The following TMEM63B variants were observed in gnomAD, a reference collection of about 807,000 sequenced individuals.
The protein encoded by TMEM63B is mechanosensitive cation channel TMEM63B.
A neutral mutation model predicts 102.6 loss-of-function variants in TMEM63B; 23 were observed. That is an observed-to-expected ratio of 0.22 (90% CI 0.16 to 0.32). TMEM63B has a LOEUF of 0.32. TMEM63B is among the 10% of genes least tolerant of loss of function. TMEM63B has a pLI of 1.00. For synonymous variants in TMEM63B, 444 were observed against 437.0 expected (o/e 1.02, Z -0.20); for missense variants, 628 against 1,095.9 (o/e 0.57, Z 6.03).
intron 1 of TMEM63B, among the ~76,000 whole-genome samples, chr6:44,128,763 GT>G (rs1482603061): frequency 1.3e-5 from 2 of 152,228 alleles, no homozygotes; most frequent in Admixed American, 1.3e-4. Context: ...GAGGTGGGGA[GT>G]GGGAGTGTCA....
At chr6:44,132,171 A>G in intron 1 of TMEM63B, 5 of 826,452 alleles carry the variant, frequency 6.0e-6, no homozygotes, top group Non-Finnish European at 7.3e-6. Flanking sequence ...CCTCCCTGTA[A>G]AATGGGGATA....
Position 44,148,386 on chromosome 6 carries a change from G to A in TMEM63B, c.1121+1G>A. On this transcript the variant is annotated splice_donor_variant, in intron 13 of 23. Transcript: ENST00000323267. LOFTEE classifies it high-confidence loss of function. This position sits in a 1 kb window ranked among gnomAD's most constrained non-coding sequence, Gnocchi z 5.1. ...TCCACAATGAGACTATCACCGCCAT[G>A]TGAGTCCCCAACTCGGCCCTCGGCC... 1 of 1,614,250 alleles carries A rather than the reference G, an allele frequency of 6.2e-7. No homozygotes were observed. Among genetic ancestry groups the A allele is most frequent in the Non-Finnish European group, 8.5e-7 (1 of 1,180,040 alleles).
rs190666305 is a variant in TMEM63B, at chr6:44,136,455, C to G, written c.369+16C>G. The stretch of plus-strand genomic sequence containing the variant: ...AAGGGACAATGTGAGTGCCCTCCCC[C>G]CAAACTTCTTAGTCCCCCACCCCAC... On this transcript the variant is annotated intron_variant, in intron 5 of 23. Coordinates refer to ENST00000323267, the MANE Select transcript of TMEM63B (RefSeq NM_018426.3). The G allele has an allele frequency of 1.7e-5, 27 of 1,602,904 alleles. No individual in the cohort carries two copies. Among genetic ancestry groups the G allele is most frequent in the Admixed American group, 8.4e-5 (5 of 59,748 alleles).
In TMEM63B at chr6:44,127,560, T is replaced by A. The variant is rs1469251355; in HGVS notation, c.-143T>A. 2.3e-5 allele frequency: 1 copy of A among 44,186 alleles called. No homozygotes were observed. Among genetic ancestry groups the A allele is most frequent in the Admixed American group, 2.9e-4 (1 of 3,398 alleles). 2.7% of individuals were successfully genotyped at this position (44,186 alleles called of 1,614,324 possible). On this transcript the variant is annotated 5_prime_UTR_variant, in exon 1 of 24. Transcript: ENST00000323267. ...CCCCCGCTCCCCCTCCCCCATACAC[T>A]GCCGCGGCCGCCGCAGGAGCCCGGA...
intron 5 of TMEM63B, 30 bp downstream of exon 5, chr6:44,136,469 C>CCCCCA (rs1254292139): frequency 1.7e-5 from 24 of 1,413,254 alleles, no homozygotes; most frequent in Non-Finnish European, 2.3e-5. Flanking sequence ...ACTTCTTAGT[C>CCCCCA]CCCCACCCCA....
upstream of TMEM63B, chr6:44,126,783 C>T (rs1777119755): frequency 6.6e-6 from 1 of 152,164 alleles, no homozygotes; most frequent in African/African-American, 2.4e-5. Flanking sequence ...TCAGTCTCTC[C>T]CTTCATCTTT....
At chr6:44,144,598 A>AT (rs1439485590) in intron 10 of TMEM63B, among the ~76,000 whole-genome samples, 4 of 151,160 alleles carry the variant, frequency 2.6e-5, no homozygotes, top group Middle Eastern at 3.2e-3. Context: ...AAAAAAAACA[A>AT]TTTTTTTTGA....
rs1192351519 is a variant in TMEM63B, at chr6:44,127,603, A to G, written c.-100A>G. 1.4e-5 allele frequency: 1 copy of G among 73,512 alleles called. No individual in the cohort carries two copies. The highest frequency in any genetic ancestry group is 2.8e-5 in the Non-Finnish European group (1 of 36,098). The allele number at this position is 73,512 out of a possible 1,614,324, so 4.6% of individuals were successfully genotyped here. On this transcript the variant is annotated 5_prime_UTR_variant, in exon 1 of 24. Coordinates refer to ENST00000323267, the MANE Select transcript of TMEM63B (RefSeq NM_018426.3). ...AGCCCGGAGCTCGAGCCGCCCAGCGACTCCCCCTCCCCCTCCCCCAGCCCC... is the reference window on the plus strand; with the variant it reads ...AGCCCGGAGCTCGAGCCGCCCAGCGGCTCCCCCTCCCCCTCCCCCAGCCCC...
At chr6:44,130,873 T>G (rs1053797948) in intron 1 of TMEM63B, among the ~76,000 whole-genome samples, 1 of 151,646 alleles carries the variant, frequency 6.6e-6, no homozygotes, top group Non-Finnish European at 1.5e-5. Context: ...CCACTTGGCC[T>G]TCAAAAGTGC....
chr6:44,139,859 G>A (rs1013332148), intron 8 of TMEM63B, 100 bp downstream of exon 8: 1 of 1,481,298 alleles, frequency 6.8e-7, no homozygotes. Flanking sequence ...TGGGAGCAGA[G>A]CCTACAGGGA....
At position 44,154,407 on chromosome 6, in the gene TMEM63B, G is replaced by A. The variant is rs1767560835; in HGVS notation, c.2269G>A (p.Gly757Arg). The A allele has an allele frequency of 6.2e-7, 1 of 1,613,954 alleles. No individual in the cohort carries two copies. Among genetic ancestry groups the A allele is most frequent in the African/African-American group, 1.3e-5 (1 of 74,924 alleles). Residue 757 changes from glycine (G) to arginine (R), a missense_variant, in exon 23 of 24, where the codon GGA (glycine) becomes AGA (arginine). By Grantham distance (125) the Gly-to-Arg change is moderately radical. This residue lies in a region of TMEM63B where 129 missense variants were observed against 153.5 expected (regional missense o/e 0.84). Coordinates refer to ENST00000323267, the MANE Select transcript of TMEM63B (RefSeq NM_018426.3). ...AGATACTGTGGACCCCAGAAGCAAT[G>A]GACGGCCCCCCACTGCTGCTGCTGT... is the stretch of plus-strand genomic sequence containing the variant. ...ETDTVDPRSNGRPPTAAAVPK... is the reference protein window; with the variant it reads ...ETDTVDPRSNRRPPTAAAVPK...
chr6:44,147,446 C>T lies in TMEM63B; in HGVS notation c.933C>T (p.Ile311=). Residue 311 remains isoleucine, a synonymous_variant, in exon 12 of 24, where the codon ATC becomes ATT. Coordinates refer to ENST00000323267, the MANE Select transcript of TMEM63B (RefSeq NM_018426.3). ...GCAAGGAGAACGTGCCTACCATGAT[C>T]AACCCCAAGCCCTGTGGCCACCTCT... is the stretch of plus-strand genomic sequence containing the variant. ...LQSKENVPTM[I]NPKPCGHLCC... 1.2e-6 allele frequency: 2 copies of T among 1,614,170 alleles called. No individual in the cohort carries two copies. The highest frequency in any genetic ancestry group is 1.7e-6 in the Non-Finnish European group (2 of 1,180,036).
At position 44,155,084 on chromosome 6, in the gene TMEM63B, C is replaced by T. The variant is rs368311134; in HGVS notation, c.*201C>T. 1.4e-4 allele frequency: 66 copies of T among 474,392 alleles called. No homozygotes were observed. The Middle Eastern group carries it at 2.3e-3, about 16-fold the overall frequency. 29.4% of individuals were successfully genotyped at this position (474,392 alleles called of 1,614,324 possible). The stretch of plus-strand genomic sequence containing the variant: ...CCCCCAACCTCAGTGAGGAGAGCCC[C>T]GAGCCGGCCCCGGGGCAAAGAGGGG... On this transcript the variant is annotated 3_prime_UTR_variant, in exon 24 of 24. Coordinates refer to ENST00000323267, the MANE Select transcript of TMEM63B (RefSeq NM_018426.3).
At chr6:44,154,587 C>A in intron 23 of TMEM63B, 105 bp from the exon 24 acceptor site, 1 of 1,442,422 alleles carries the variant, frequency 6.9e-7, no homozygotes, top group African/African-American at 1.4e-5. Context: ...GGGCTGCCCC[C>A]GCCCCCCAGG....
intron 1 of TMEM63B, among the ~76,000 whole-genome samples, chr6:44,129,740 A>G (rs772047228): frequency 6.6e-6 from 1 of 152,070 alleles, no homozygotes; most frequent in Non-Finnish European, 1.5e-5. Flanking sequence ...GTTTTTACCA[A>G]TTTTCTTTCT....
Position 44,150,478 on chromosome 6 carries a change from A to C in TMEM63B, c.1608-86A>C. On this transcript the variant is annotated intron_variant, in intron 17 of 23. Coordinates refer to ENST00000323267, the MANE Select transcript of TMEM63B (RefSeq NM_018426.3). This position sits in a 1 kb window ranked among gnomAD's most constrained non-coding sequence, Gnocchi z 4.7. ...CCACCCCATGTCTGGGAGTCTCCCC[A>C]GTGGCTCACAGAGGAGGGACTTCCC... 6.6e-7 allele frequency: 1 copy of C among 1,525,626 alleles called. No homozygotes were observed. Among genetic ancestry groups the C allele is most frequent in the South Asian group, 1.1e-5 (1 of 88,570 alleles). The allele number at this position is 1,525,626 out of a possible 1,614,324, so 94.5% of individuals were successfully genotyped here.
intron 1 of TMEM63B, among the ~76,000 whole-genome samples, chr6:44,131,318 T>G (rs1778239999): frequency 6.6e-6 from 1 of 152,208 alleles, no homozygotes; most frequent in Non-Finnish European, 1.5e-5. Context: ...TGTTACAGAT[T>G]GGAAGACTGA....
At chr6:44,139,802 G>A (rs1763859853) in intron 8 of TMEM63B, 43 bp downstream of exon 8, 1 of 1,612,910 alleles carries the variant, frequency 6.2e-7, no homozygotes. Context: ...TCTACGACCA[G>A]AGTCTGGGCC....
rs1056605513 is a variant in TMEM63B at position 44,138,397 on chromosome 6, T to G, written c.370-83T>G. On this transcript the variant is annotated intron_variant, in intron 5 of 23. Coordinates refer to ENST00000323267, the MANE Select transcript of TMEM63B (RefSeq NM_018426.3). Reference sequence around the variant, plus strand: ...TGGAAGCTATGCCTGGAGGTAATTATGAGAATGGGTGGGACTTGAGGGAGG... The same window carrying G: ...TGGAAGCTATGCCTGGAGGTAATTAGGAGAATGGGTGGGACTTGAGGGAGG... 101 of 1,567,070 alleles carry G rather than the reference T, an allele frequency of 6.4e-5. No homozygotes were observed. In the Middle Eastern group the frequency reaches 1.1e-3, roughly 17 times the overall value.
Sources: gnomAD v4.1 joint callset for allele counts (sites outside exome capture counted in the v4.1 genomes callset) on GRCh38, gnomAD v4.1.1 for gene constraint, gnomAD v4.1.1 regional missense constraint, Gnocchi (gnomAD v3.1) non-coding constraint, MANE v1.5 for transcripts, NCBI Gene and HGNC (gene_info 2026-07-23, HGNC 2026-07-21) for gene names.